The following KLF17 variants were observed in gnomAD, a reference collection of about 807,000 sequenced individuals.
The protein encoded by KLF17 is KLF transcription factor 17, also known as Krueppel-like factor 17.
KLF17 carries 31 observed loss-of-function variants against 34.2 expected under a neutral mutation model. That is an observed-to-expected ratio of 0.91 (90% CI 0.68 to 1.22). KLF17 has a LOEUF of 1.22. Ranked by LOEUF, KLF17 falls within the 50% of genes most tolerant of loss-of-function variation. The probability of loss-of-function intolerance (pLI) is 0.00; values close to 1 mark genes in which losing one functional copy is unlikely to be tolerated. For missense variants in KLF17, 478 were observed against 505.2 expected (o/e 0.95, Z 0.52); for synonymous variants, 179 against 186.7 (o/e 0.96, Z 0.34).
chr1:44,071,992 GGGGGGGGAC>G, the KLF17 span, among the ~76,000 whole-genome samples: 11 of 150,144 alleles, frequency 7.3e-5, no homozygotes, highest in African/African-American at 2.7e-4. Flanking sequence ...GTTTTTTTTT[GGGGGGGGAC>G]GGGGGGACAA....
intron 1 of KLF17, among the ~76,000 whole-genome samples, chr1:44,127,692 T>C (rs6670168): frequency 0.014 from 1,233 of 89,858 alleles, 16 homozygotes; most frequent in African/African-American, 0.044. Context: ...CTTTCTTTCT[T>C]TTTCTTTCTT....
At chr1:44,091,514 G>C in the KLF17 span, among the ~76,000 whole-genome samples, 3 of 151,738 alleles carry the variant, frequency 2.0e-5, no homozygotes, top group East Asian at 5.8e-4. Flanking sequence ...GAATTAGCCA[G>C]GCATGGTGGC....
At chr1:44,119,069 T>C (rs1465685038) in intron 1 of KLF17, 81 bp downstream of exon 1, 5 of 1,010,262 alleles carry the variant, frequency 4.9e-6, no homozygotes, top group South Asian at 1.9e-5. Context: ...GGAGGAGAGG[T>C]GAGGCGGAGG....
At chr1:44,093,700 C>T in the KLF17 span, among the ~76,000 whole-genome samples, 117 of 152,164 alleles carry the variant, frequency 7.7e-4, no homozygotes, top group Admixed American at 2.3e-3. Flanking sequence ...CATCTTTATA[C>T]GATTTTTTAA....
intron 1 of KLF17, among the ~76,000 whole-genome samples, chr1:44,127,070 T>G (rs1471949599): frequency 2.0e-4 from 29 of 145,588 alleles, no homozygotes; most frequent in African/African-American, 5.8e-4. Context: ...CTTGTTTTTT[T>G]TTTTTTTTTT....
At chr1:44,057,308 T>C in the KLF17 span, among the ~76,000 whole-genome samples, 21 of 152,330 alleles carry the variant, frequency 1.4e-4, no homozygotes, top group African/African-American at 4.8e-4. Context: ...TGGTGCTCCA[T>C]GCTTATGCTG....
chr1:44,082,315 C>T, the KLF17 span, among the ~76,000 whole-genome samples: 1 of 152,210 alleles, frequency 6.6e-6, no homozygotes, highest in African/African-American at 2.4e-5. Context: ...ATTAATACAA[C>T]ATTCATTATA....
At chr1:44,116,595 G>C (rs2087881386), upstream of KLF17, among the ~76,000 whole-genome samples, 1 of 152,168 alleles carries the variant, frequency 6.6e-6, no homozygotes, top group Admixed American at 6.5e-5. Flanking sequence ...TGGCAGCCCA[G>C]TCCAATCAGG....
chr1:44,127,692 T>TTCTTTCTTTTTCTTTCTTTC lies in KLF17; in HGVS notation c.82-1660_82-1659insCTTTCTTTTTCTTTCTTTCT, dbSNP rs753421834. Among the ~76,000 whole-genome samples the TTCTTTCTTTTTCTTTCTTTC allele has an allele frequency of 1.5e-3, 131 of 90,122 alleles. 1 individual carries two copies. Among genetic ancestry groups the TTCTTTCTTTTTCTTTCTTTC allele is most frequent in the South Asian group, 2.3e-3 (5 of 2,200 alleles). The allele number at this position is 90,122 out of a possible 152,430, so 59.1% of individuals were successfully genotyped here. A position where few individuals can be genotyped will look rare whatever the true frequency, so the allele number is the denominator to read the frequency against. On this transcript the variant is annotated intron_variant, in intron 1 of 3. Coordinates refer to ENST00000372299, the MANE Select transcript of KLF17 (RefSeq NM_173484.4). Reference sequence around the variant, plus strand: ...TTTCTTTCTTTCTTTCTTTCTTTCTTTTTCTTTCTTTCTTTCTTTCTTCTC... The same window carrying TTCTTTCTTTTTCTTTCTTTC: ...TTTCTTTCTTTCTTTCTTTCTTTCTTTCTTTCTTTTTCTTTCTTTCTTTCTTTCTTTCTTTCTTTCTTCTC...
At chr1:44,123,518 A>C (rs960174850) in intron 1 of KLF17, among the ~76,000 whole-genome samples, 7 of 151,910 alleles carry the variant, frequency 4.6e-5, no homozygotes, top group Admixed American at 4.6e-4. Flanking sequence ...CTTTTTCCTT[A>C]GTTGATCTAG....
chr1:44,088,620 T>A, the KLF17 span: 1 of 152,302 alleles, frequency 6.6e-6, no homozygotes, highest in Non-Finnish European at 1.5e-5. Flanking sequence ...ATAGGGCCAC[T>A]CTTACAACTT....
At chr1:44,127,663 T>A (rs76125718) in intron 1 of KLF17, among the ~76,000 whole-genome samples, 38,282 of 84,652 alleles carry the variant, frequency 0.45, 6,671 homozygotes, top group East Asian at 0.56. Flanking sequence ...TCTTTCTTTC[T>A]TTCTTTCTTT....
chr1:44,090,306 C>CAAAAAAAAAAAAAAAAAAA, the KLF17 span, among the ~76,000 whole-genome samples: 9 of 23,416 alleles, frequency 3.8e-4, 1 homozygote, highest in African/African-American at 5.8e-4. Flanking sequence ...CTTGTCTCTA[C>CAAAAAAAAAAAAAAAAAAA]AAAAAAAAAA....
rs554121178 is a variant in KLF17, at chr1:44,131,704, T to A, written c.*948T>A. 2.0e-5 allele frequency among the ~76,000 whole-genome samples: 3 copies of A among 150,888 alleles called. No individual in the cohort carries two copies. The South Asian group carries it at 6.2e-4, about 31-fold the overall frequency. ...GCAAACTTAGAAGTGTGGGGAAATT[T>A]ATTTATTTGAGACAGAGTCTTGCTC... On this transcript the variant is annotated intron_variant, in intron 3 of 3. Coordinates refer to ENST00000372299, the MANE Select transcript of KLF17 (RefSeq NM_173484.4).
At chr1:44,058,764 T>C in the KLF17 span, among the ~76,000 whole-genome samples, 253 of 134,024 alleles carry the variant, frequency 1.9e-3, 1 homozygote, top group African/African-American at 6.7e-3. Context: ...CTCGGCTCAC[T>C]GCAAGCTCCA....
intron 1 of KLF17, among the ~76,000 whole-genome samples, chr1:44,127,690 C>T (rs202034021): frequency 0.042 from 1,340 of 31,842 alleles, 14 homozygotes; most frequent in African/African-American, 0.072. Flanking sequence ...TTCTTTCTTT[C>T]TTTTTCTTTC....
At chr1:44,132,858 T>C (rs1177664782) in intron 3 of KLF17, among the ~76,000 whole-genome samples, 1 of 152,190 alleles carries the variant, frequency 6.6e-6, no homozygotes, top group Non-Finnish European at 1.5e-5. Context: ...TAGAACCTCA[T>C]ATTTAGACTC....
the KLF17 span, chr1:44,104,096 C>A: frequency 1.1e-6 from 1 of 946,872 alleles, no homozygotes; most frequent in East Asian, 2.4e-5. Flanking sequence ...CTTCATACAG[C>A]CGCCTGAGGA....
At chr1:44,124,766 G>A (rs1057489837) in intron 1 of KLF17, among the ~76,000 whole-genome samples, 2 of 152,166 alleles carry the variant, frequency 1.3e-5, no homozygotes, top group African/African-American at 4.8e-5. Flanking sequence ...AAAGTGCTGG[G>A]ATTACAGGTG....
Sources: gnomAD v4.1 joint callset for allele counts (sites outside exome capture counted in the v4.1 genomes callset) on GRCh38, gnomAD v4.1.1 for gene constraint, MANE v1.5 for transcripts, NCBI Gene and HGNC (gene_info 2026-07-23, HGNC 2026-07-21) for gene names.